TRAK1: variants seen among roughly 807,000 people sequenced by gnomAD.
TRAK1 encodes the protein trafficking kinesin protein 1, also known as trafficking kinesin-binding protein 1.
In TRAK1, 33 loss-of-function variants were observed where a neutral mutation model predicts 92.1. The ratio of observed to expected loss-of-function variants is 0.36; its 90% confidence interval spans 0.27 to 0.48. The LOEUF (loss-of-function observed/expected upper bound fraction) is 0.48, where lower values mean the gene tolerates loss of function less well. TRAK1 is among the 20% of genes least tolerant of loss of function. The pLI is 0.99. For missense variants in TRAK1, 1,123 were observed against 1,257.9 expected (o/e 0.89, Z 1.62); for synonymous variants, 521 against 517.3 (o/e 1.01, Z -0.10).
At chr3:42,079,097 C>G (rs1160971101) in intron 1 of TRAK1, among the ~76,000 whole-genome samples, 1 of 152,154 alleles carries the variant, frequency 6.6e-6, no homozygotes, top group Non-Finnish European at 1.5e-5. Flanking sequence ...TTGATTGGAG[C>G]CTGTTGAGAT....
rs531734155 is a variant in TRAK1 at position 42,137,287 on chromosome 3, A to G, written c.286+11673A>G. On this transcript the variant is annotated intron_variant, in intron 2 of 15. Transcript: ENST00000327628. ...TTTCTGTTTCTTCCCCAAATAACAC[A>G]TGGGTGAATACCCTTTTACTTCTGG... Among the ~76,000 whole-genome samples, 17 of 152,372 alleles carry G rather than the reference A, an allele frequency of 1.1e-4. No individual in the cohort carries two copies. The East Asian group carries it at 3.3e-3, about 29-fold the overall frequency.
rs778773315 is a variant in TRAK1, at chr3:42,218,099, AC to A, written c.1964-1393del. 2,108 of 985,272 alleles carry A rather than the reference AC, an allele frequency of 2.1e-3. 5 individuals are homozygous for A. The highest frequency in any genetic ancestry group is 2.4e-3 in the Non-Finnish European group (2,001 of 829,914). 61.0% of individuals were successfully genotyped at this position (985,272 alleles called of 1,614,324 possible). A position where few individuals can be genotyped will look rare whatever the true frequency, so the allele number is the denominator to read the frequency against. ...AGTCAGACCTTAAAAATCAGGGCAA[AC>A]CATCTTGCCTTGTTCCTCTAGTCAC... On this transcript the variant is annotated intron_variant, in intron 14 of 15. Transcript: ENST00000327628.
chr3:42,072,264 G>A (rs759133571), intron 1 of TRAK1, among the ~76,000 whole-genome samples: 2 of 152,076 alleles, frequency 1.3e-5, no homozygotes, highest in South Asian at 2.1e-4. Flanking sequence ...CTCGGGAGTC[G>A]CCAGCCAAGT....
chr3:42,098,103 C>T (rs1706210058), intron 1 of TRAK1, among the ~76,000 whole-genome samples: 2 of 152,018 alleles, frequency 1.3e-5, no homozygotes, highest in Non-Finnish European at 2.9e-5. Context: ...CCCTCCTCCT[C>T]ACCCTGATAT....
intron 2 of TRAK1, among the ~76,000 whole-genome samples, chr3:42,150,478 A>C (rs1305826820): frequency 1.3e-5 from 2 of 152,166 alleles, no homozygotes; most frequent in African/African-American, 4.8e-5. Flanking sequence ...AAGGGGCCCA[A>C]TTAATATATA....
intron 1 of TRAK1, among the ~76,000 whole-genome samples, chr3:42,112,694 C>T (rs1406179013): frequency 6.8e-6 from 1 of 146,940 alleles, no homozygotes; most frequent in African/African-American, 2.6e-5. Context: ...CAAGATTATG[C>T]CACTGCACTC....
rs184735169 is a variant in TRAK1 at position 42,097,791 on chromosome 3, A to C, written c.91+6231A>C. Reference sequence around the variant, plus strand: ...ACTTTATATCAAGGACTCACCACACAGTTTATGATTTGAGTTTTTAAATTT... The same window carrying C: ...ACTTTATATCAAGGACTCACCACACCGTTTATGATTTGAGTTTTTAAATTT... On this transcript the variant is annotated intron_variant, in intron 1 of 15. Coordinates refer to ENST00000327628, the MANE Select transcript of TRAK1 (RefSeq NM_001042646.3). Among the ~76,000 whole-genome samples, 3 of 152,296 alleles carry C rather than the reference A, an allele frequency of 2.0e-5. No homozygotes were observed. The East Asian group carries it at 5.8e-4, about 29-fold the overall frequency.
intron 1 of TRAK1, among the ~76,000 whole-genome samples, chr3:42,016,469 T>C (rs953818141): frequency 6.6e-6 from 1 of 152,240 alleles, no homozygotes; most frequent in African/African-American, 2.4e-5. Flanking sequence ...CCTCCCAAAG[T>C]GCTGGGATTA....
chr3:42,114,577 A>G (rs1708917414), intron 1 of TRAK1, among the ~76,000 whole-genome samples: 1 of 152,208 alleles, frequency 6.6e-6, no homozygotes, highest in South Asian at 2.1e-4. Context: ...TGTTGTTCCA[A>G]TTTACACCAG....
chr3:42,093,519 G>C (rs774883269), intron 1 of TRAK1, among the ~76,000 whole-genome samples: 1 of 151,634 alleles, frequency 6.6e-6, no homozygotes, highest in Non-Finnish European at 1.5e-5. Flanking sequence ...ATGTGATTTT[G>C]GGGCCATAGT....
Position 42,223,601 on chromosome 3 carries a change from A to C in TRAK1, c.2726A>C (p.Gln909Pro), listed in dbSNP as rs1188235829. Residue 909 changes from glutamine (Q) to proline (P), a missense_variant, in exon 16 of 16, where the codon CAG (glutamine) becomes CCG (proline). By Grantham distance (76) the Gln-to-Pro change is moderately conservative. This residue lies in a region of TRAK1 where 401 missense variants were observed against 438.9 expected (regional missense o/e 0.91). Coordinates refer to ENST00000327628, the MANE Select transcript of TRAK1 (RefSeq NM_001042646.3). This position sits in a 1 kb window ranked among gnomAD's most constrained non-coding sequence, Gnocchi z 6.1. ...GTCACCAGTGCCATCGGTGGGCTGCAGCTCAATAGTGGCATCCGGCGGAAT... is the reference window on the plus strand; with the variant it reads ...GTCACCAGTGCCATCGGTGGGCTGCCGCTCAATAGTGGCATCCGGCGGAAT... ...PTVTSAIGGL[Q>P]LNSGIRRNRS... The C allele has an allele frequency of 6.2e-7, 1 of 1,613,936 alleles. No individual in the cohort carries two copies. The highest frequency in any genetic ancestry group is 8.5e-7 in the Non-Finnish European group (1 of 1,179,990).
rs776814036 is a variant in TRAK1 at position 42,091,533 on chromosome 3, G to A, written c.64G>A (p.Gly22Ser). Residue 22 changes from glycine (G) to serine (S), a missense_variant, in exon 1 of 16, where the codon GGC (glycine) becomes AGC (serine). Gly to Ser is a moderately conservative substitution (Grantham distance 56). This residue lies in a region of TRAK1 where 686 missense variants were observed against 747.6 expected (regional missense o/e 0.92). Transcript: ENST00000327628. The stretch of plus-strand genomic sequence containing the variant: ...TCAGCCTCTGCCAGGACTCTGCCAC[G>A]GCAAGCTCATTCGGACAAACGCCTG... ...RAQPLPGLCH[G>S]KLIRTNACDV... 6.2e-6 allele frequency: 10 copies of A among 1,612,766 alleles called. No individual in the cohort carries two copies. Among genetic ancestry groups the A allele is most frequent in the African/African-American group, 4.0e-5 (3 of 74,806 alleles).
intron 1 of TRAK1, among the ~76,000 whole-genome samples, chr3:42,024,711 T>C (rs1453827279): frequency 2.6e-5 from 4 of 152,210 alleles, no homozygotes; most frequent in African/African-American, 2.4e-5. Context: ...ATCTAGTAAT[T>C]TGTTAGCTTC....
chr3:42,149,287 G>A (rs376699150), intron 2 of TRAK1: 32 of 1,391,484 alleles, frequency 2.3e-5, no homozygotes, highest in Middle Eastern at 2.7e-4. Context: ...CAGGGTCTCC[G>A]TTAGCTCTCT....
intron 2 of TRAK1, among the ~76,000 whole-genome samples, chr3:42,142,089 G>A (rs1343344390): frequency 6.6e-6 from 1 of 152,076 alleles, no homozygotes; most frequent in Non-Finnish European, 1.5e-5. Context: ...CTGAGATTGC[G>A]CCACTGCACT....
rs1054954407 is a variant in TRAK1, at chr3:42,185,973, CTTTT to C, written c.480+1196_480+1199del. ...ACAGGCATGAGCCACTGTGCCCAGCCTTTTTTTTTTTTTTTTTTTTTTTTTTTGA... is the reference window on the plus strand; with the variant it reads ...ACAGGCATGAGCCACTGTGCCCAGCCTTTTTTTTTTTTTTTTTTTTTTTGA... On this transcript the variant is annotated intron_variant, in intron 4 of 15. Transcript: ENST00000327628. Among the ~76,000 whole-genome samples, 19 of 83,974 alleles carry C rather than the reference CTTTT, an allele frequency of 2.3e-4. No individual in the cohort carries two copies. The South Asian group carries it at 3.5e-3, about 15-fold the overall frequency. The allele number at this position is 83,974 out of a possible 152,430, so 55.1% of individuals were successfully genotyped here.
At chr3:42,194,752 T>TACACCTCACACATCTCTGG (rs1175611338) in intron 9 of TRAK1, 52 bp from the exon 10 acceptor site, 6 of 1,600,322 alleles carry the variant, frequency 3.7e-6, no homozygotes, top group Non-Finnish European at 5.1e-6. Flanking sequence ...CAGATGTGTG[T>TACACCTCACACATCTCTGG]ACACCTGGGT....
intron 2 of TRAK1, among the ~76,000 whole-genome samples, chr3:42,171,044 T>C (rs1434219908): frequency 6.6e-6 from 1 of 151,968 alleles, no homozygotes; most frequent in Non-Finnish European, 1.5e-5. Flanking sequence ...CTTGATCTCC[T>C]GACCTCATGA....
At chr3:42,149,427 G>A (rs41286050) in intron 2 of TRAK1, 71,656 of 1,508,570 alleles carry the variant, frequency 0.047, 1,859 homozygotes, top group Middle Eastern at 0.071. Context: ...GGTGTGTTTC[G>A]GGATATTCTT....
Sources: gnomAD v4.1 joint callset for allele counts (sites outside exome capture counted in the v4.1 genomes callset) on GRCh38, gnomAD v4.1.1 for gene constraint, gnomAD v4.1.1 regional missense constraint, Gnocchi (gnomAD v3.1) non-coding constraint, MANE v1.5 for transcripts, NCBI Gene and HGNC (gene_info 2026-07-23, HGNC 2026-07-21) for gene names.